The following SAMD5 variants were observed in gnomAD, a reference collection of about 807,000 sequenced individuals.
SAMD5 encodes sterile alpha motif domain-containing protein 5.
A neutral mutation model predicts 11.3 loss-of-function variants in SAMD5; 13 were observed. The ratio of observed to expected loss-of-function variants is 1.15; its 90% CI spans 0.75 to 1.83. The LOEUF is 1.83. SAMD5 is among the 40% of genes most tolerant of loss of function. The pLI is 0.00. For missense variants in SAMD5, 255 were observed against 239.1 expected (o/e 1.07, Z -0.44); for synonymous variants, 129 against 111.3 (o/e 1.16, Z -1.00).
chr6:147,754,800 C>T, the SAMD5 span, among the ~76,000 whole-genome samples: 1 of 152,080 alleles, frequency 6.6e-6, no homozygotes, highest in Non-Finnish European at 1.5e-5. Flanking sequence ...TTTCCCAGCA[C>T]CATTTATTGA....
intron 1 of SAMD5, among the ~76,000 whole-genome samples, chr6:147,710,557 G>C (rs569318700): frequency 9.2e-5 from 14 of 152,256 alleles, no homozygotes; most frequent in African/African-American, 3.1e-4. Context: ...ACGGTTATCA[G>C]ATTGACTGTG....
At chr6:147,877,944 T>TGG in the SAMD5 span, among the ~76,000 whole-genome samples, 2 of 97,586 alleles carry the variant, frequency 2.0e-5, no homozygotes, top group Non-Finnish European at 4.5e-5. Flanking sequence ...GATAGATAGA[T>TGG]AGACTCTGTC....
At chr6:147,543,435 T>C (rs1788637246) in intron 1 of SAMD5, among the ~76,000 whole-genome samples, 1 of 152,222 alleles carries the variant, frequency 6.6e-6, no homozygotes, top group Non-Finnish European at 1.5e-5. Flanking sequence ...AAAAACAATT[T>C]ACTATCAGAG....
At chr6:147,766,274 T>C in the SAMD5 span, among the ~76,000 whole-genome samples, 1 of 151,934 alleles carries the variant, frequency 6.6e-6, no homozygotes, top group Admixed American at 6.6e-5. Context: ...AATGAGAAAA[T>C]TATCAGACAT....
rs1788869894 is a variant in SAMD5, at chr6:147,557,139, GA to G, written c.460-7253del. Among the ~76,000 whole-genome samples the G allele has an allele frequency of 3.3e-5, 5 of 151,918 alleles. No homozygotes were observed. In the South Asian group the frequency reaches 1.0e-3, roughly 32 times the overall value. ...TAATTTAAAGTTTGCATCATTTATT[GA>G]ATAGGAAGAAGTCAAACTTTTTCAT... is the stretch of plus-strand genomic sequence containing the variant. On this transcript the variant is annotated intron_variant, in intron 1 of 1. Coordinates refer to ENST00000367474, the MANE Select transcript of SAMD5 (RefSeq NM_001030060.3).
the SAMD5 span, among the ~76,000 whole-genome samples, chr6:147,792,751 AT>A: frequency 6.6e-6 from 1 of 152,170 alleles, no homozygotes; most frequent in East Asian, 1.9e-4. Context: ...AAGAAACATG[AT>A]TAACAACAAC....
the SAMD5 span, among the ~76,000 whole-genome samples, chr6:147,843,228 C>T: frequency 1.3e-5 from 2 of 152,002 alleles, no homozygotes; most frequent in African/African-American, 4.8e-5. Context: ...CAAGTATACT[C>T]CTATGTATTT....
the SAMD5 span, among the ~76,000 whole-genome samples, chr6:147,772,640 A>G: frequency 6.6e-6 from 1 of 152,100 alleles, no homozygotes; most frequent in African/African-American, 2.4e-5. Context: ...ACAGAGAGCC[A>G]CCTTCTCTCT....
the SAMD5 span, among the ~76,000 whole-genome samples, chr6:147,919,269 A>G: frequency 3.9e-4 from 60 of 152,314 alleles, 1 homozygote; most frequent in South Asian, 3.5e-3. Context: ...GAGACTTCAC[A>G]TGGGGGAACC....
chr6:147,771,503 A>G, the SAMD5 span, among the ~76,000 whole-genome samples: 1 of 152,106 alleles, frequency 6.6e-6, no homozygotes, highest in African/African-American at 2.4e-5. Flanking sequence ...CTTTTCTCCT[A>G]TTTTAATTAA....
chr6:147,627,378 C>G (rs1435137648), intron 1 of SAMD5, among the ~76,000 whole-genome samples: 1 of 152,074 alleles, frequency 6.6e-6, no homozygotes, highest in Non-Finnish European at 1.5e-5. Context: ...TTTTATCATA[C>G]TAATTTGTAT....
the SAMD5 span, among the ~76,000 whole-genome samples, chr6:147,788,518 A>T: frequency 3.9e-5 from 6 of 152,244 alleles, no homozygotes; most frequent in Non-Finnish European, 1.5e-5. Context: ...CTTTTTAAAT[A>T]TAGAAACACA....
At chr6:147,623,098 G>A (rs1356125395) in intron 1 of SAMD5, among the ~76,000 whole-genome samples, 1 of 152,188 alleles carries the variant, frequency 6.6e-6, no homozygotes, top group Non-Finnish European at 1.5e-5. Context: ...AACCATATCA[G>A]TTCTAACCCC....
At chr6:147,716,396 G>GT (rs748278335) in intron 1 of SAMD5, among the ~76,000 whole-genome samples, 16 of 152,258 alleles carry the variant, frequency 1.1e-4, no homozygotes, top group East Asian at 7.7e-4. Context: ...GCCTGCAAGG[G>GT]TAGGGGTTCC....
At chr6:147,901,827 T>C in the SAMD5 span, among the ~76,000 whole-genome samples, 1 of 152,224 alleles carries the variant, frequency 6.6e-6, no homozygotes, top group Admixed American at 6.5e-5. Flanking sequence ...CATGTCTTTG[T>C]GTTGATTTCC....
the SAMD5 span, among the ~76,000 whole-genome samples, chr6:147,915,255 T>G: frequency 6.6e-6 from 1 of 152,190 alleles, no homozygotes; most frequent in Non-Finnish European, 1.5e-5. Context: ...AAGATGTACG[T>G]TACACCCTCC....
Position 147,566,385 on chromosome 6 carries a change from G to A in SAMD5, c.*1929G>A. 1 of 984,516 alleles carries A rather than the reference G, an allele frequency of 1.0e-6. No homozygotes were observed. Among genetic ancestry groups the A allele is most frequent in the Non-Finnish European group, 1.2e-6 (1 of 829,284 alleles). 61.0% of individuals were successfully genotyped at this position (984,516 alleles called of 1,614,324 possible). ...GTATAGATTACAGATATAATTTATTGTGATAACAAATGGCTTCCTGTTTGA... is the reference window on the plus strand; with the variant it reads ...GTATAGATTACAGATATAATTTATTATGATAACAAATGGCTTCCTGTTTGA... On this transcript the variant is annotated 3_prime_UTR_variant, in exon 2 of 2. Coordinates refer to ENST00000367474, the MANE Select transcript of SAMD5 (RefSeq NM_001030060.3).
At chr6:147,771,787 T>C in the SAMD5 span, among the ~76,000 whole-genome samples, 40 of 152,200 alleles carry the variant, frequency 2.6e-4, no homozygotes, top group South Asian at 6.2e-4. Flanking sequence ...GGATGGAGTG[T>C]CTACTGCAAA....
At chr6:147,949,164 A>G in the SAMD5 span, among the ~76,000 whole-genome samples, 4 of 152,186 alleles carry the variant, frequency 2.6e-5, no homozygotes, top group Non-Finnish European at 5.9e-5. Flanking sequence ...GCCCGTGCTG[A>G]GAGTTTTTTA....
Sources: gnomAD v4.1 joint callset for allele counts (sites outside exome capture counted in the v4.1 genomes callset) on GRCh38, gnomAD v4.1.1 for gene constraint, MANE v1.5 for transcripts, NCBI Gene and HGNC (gene_info 2026-07-23, HGNC 2026-07-21) for gene names.